The following VGLL4 variants were observed in gnomAD, a reference collection of about 807,000 sequenced individuals.
VGLL4 encodes vestigial like family member 4.
VGLL4 carries 7 observed loss-of-function variants against 21.0 expected under a neutral mutation model. That is an observed-to-expected ratio of 0.33 (90% confidence interval 0.19 to 0.63). VGLL4 has a LOEUF of 0.63. Ranked by LOEUF, VGLL4 falls within the 20% of genes least tolerant of loss-of-function variation. VGLL4 has a pLI of 0.78. For missense variants in VGLL4, 394 were observed against 425.7 expected, an observed-to-expected ratio of 0.93 and a Z score of 0.66; for synonymous variants, 222 against 173.2, an observed-to-expected ratio of 1.28 and a Z score of -2.21.
In VGLL4 at chr3:11,628,728, A is replaced by G. The variant is rs142863570; in HGVS notation, c.82+14709T>C. On this transcript the variant is annotated intron_variant, in intron 1 of 4. Coordinates refer to ENST00000430365, the MANE Select transcript of VGLL4 (RefSeq NM_001128219.3). ...CCAGCTATTCTGGAGGCTGAGGCAG[A>G]AGAATGGTGTGAACACGGGAGGCAG... Among the ~76,000 whole-genome samples the G allele has an allele frequency of 2.0e-4, 30 of 152,142 alleles. 1 individual carries two copies. The highest frequency in any genetic ancestry group is 6.2e-4 in the South Asian group (3 of 4,808).
chr3:11,558,466 A>G lies in VGLL4; in HGVS notation c.*90T>C. On this transcript the variant is annotated 3_prime_UTR_variant, in exon 5 of 5. Transcript: ENST00000430365. ...CCATCCCTTCCCTTCCCCCCACCCC[A>G]CCCCCATGATTTTTTTTTTTTTAAG... The G allele has an allele frequency of 1.7e-6, 1 of 581,226 alleles. No homozygotes were observed. The highest frequency in any genetic ancestry group is 2.5e-6 in the Non-Finnish European group (1 of 402,298). The allele number at this position is 581,226 out of a possible 1,614,324, so 36.0% of individuals were successfully genotyped here. A position where few individuals can be genotyped will look rare whatever the true frequency, so the allele number is the denominator to read the frequency against.
chr3:11,720,205 G>A (rs2076975430), intron 1 of VGLL4, among the ~76,000 whole-genome samples: 2 of 99,954 alleles, frequency 2.0e-5, no homozygotes, highest in African/African-American at 8.3e-5. Context: ...CACCCACGCC[G>A]CCCTCCGCTT....
At chr3:11,634,974 G>A (rs568273268) in intron 1 of VGLL4, among the ~76,000 whole-genome samples, 1 of 152,238 alleles carries the variant, frequency 6.6e-6, no homozygotes, top group South Asian at 2.1e-4. Flanking sequence ...CCCTGGCCAG[G>A]ACTCAGTATT....
intron 1 of VGLL4, among the ~76,000 whole-genome samples, chr3:11,639,005 A>C (rs2075638974): frequency 6.6e-6 from 1 of 152,212 alleles, no homozygotes; most frequent in Non-Finnish European, 1.5e-5. Context: ...ATTCGCTCTT[A>C]AGCTTTGAGA....
chr3:11,608,055 G>A (rs1308576907), intron 1 of VGLL4, among the ~76,000 whole-genome samples: 1 of 152,206 alleles, frequency 6.6e-6, no homozygotes, highest in Non-Finnish European at 1.5e-5. Context: ...TCTTGGGAGT[G>A]CAAGAGGCTT....
At chr3:11,641,113 A>G (rs1480077220) in intron 1 of VGLL4, among the ~76,000 whole-genome samples, 20 of 97,594 alleles carry the variant, frequency 2.0e-4, no homozygotes, top group African/African-American at 8.6e-4. Context: ...GCGAGACTTC[A>G]TCACCAAAAA....
At chr3:11,643,936 C>T (rs911093927), upstream of VGLL4, 1 of 994,230 alleles carries the variant, frequency 1.0e-6, no homozygotes. Flanking sequence ...ACTCCTATGC[C>T]GCCGCTTCCT....
Position 11,567,527 on chromosome 3 carries a change from C to T in VGLL4, c.273-2508G>A, listed in dbSNP as rs1049816550. ...TAGGTTCCATCCACGCCACACACAT[C>T]CTGGCGATTTTCAAAACGTTAAAAT... On this transcript the variant is annotated intron_variant, in intron 2 of 4. Transcript: ENST00000430365. 4.6e-5 allele frequency among the ~76,000 whole-genome samples: 7 copies of T among 152,204 alleles called. 1 individual carries two copies. The highest frequency in any genetic ancestry group is 2.1e-4 in the South Asian group (1 of 4,834).
intron 2 of VGLL4, among the ~76,000 whole-genome samples, chr3:11,584,326 T>C (rs536322241): frequency 1.3e-5 from 2 of 151,780 alleles, no homozygotes; most frequent in South Asian, 4.2e-4. Context: ...ATTCAAGTTC[T>C]CTAGTAGCAG....
At chr3:11,591,038 C>T (rs1293178156) in intron 2 of VGLL4, among the ~76,000 whole-genome samples, 2 of 152,112 alleles carry the variant, frequency 1.3e-5, no homozygotes, top group African/African-American at 2.4e-5. Flanking sequence ...CAGGCAATGT[C>T]GAGGTTAATC....
chr3:11,564,929 C>A lies in VGLL4; in HGVS notation c.363G>T (p.Leu121=). ...GGGAGGTGTACAGGTGGCTGCCGTG[C>A]AGGCTCATGGTGGGGGCCACAGCGC... ...IERAVAPTMS[L]HGSHLYTSLP... The change falls in exon 3 of 5, where the codon CTG becomes CTT. Residue 121 remains leucine, a synonymous_variant. Transcript: ENST00000430365. 1.3e-6 allele frequency: 2 copies of A among 1,591,646 alleles called. No homozygotes were observed. The highest frequency in any genetic ancestry group is 1.7e-6 in the Non-Finnish European group (2 of 1,169,150).
chr3:11,569,580 G>A (rs527556480), intron 2 of VGLL4, among the ~76,000 whole-genome samples: 13 of 152,358 alleles, frequency 8.5e-5, no homozygotes, highest in African/African-American at 2.6e-4. Flanking sequence ...AGGAGGGGCC[G>A]GCACAGGGCC....
upstream of VGLL4, among the ~76,000 whole-genome samples, chr3:11,647,954 T>A (rs936356318): frequency 1.3e-5 from 2 of 151,354 alleles, no homozygotes; most frequent in African/African-American, 4.9e-5. Context: ...CCATGTAGAT[T>A]CTGATTGTAC....
At chr3:11,597,958 A>C (rs1466739427) in intron 2 of VGLL4, among the ~76,000 whole-genome samples, 1 of 152,236 alleles carries the variant, frequency 6.6e-6, no homozygotes, top group Non-Finnish European at 1.5e-5. Flanking sequence ...TGAAGAAATC[A>C]CTAAGGAAAC....
chr3:11,668,192 T>C (rs1205137479), intron 2 of VGLL4, among the ~76,000 whole-genome samples: 1 of 151,982 alleles, frequency 6.6e-6, no homozygotes, highest in Non-Finnish European at 1.5e-5. Flanking sequence ...ACAACTCATT[T>C]CTTCAAGATA....
chr3:11,679,882 T>C (rs1341174687), intron 2 of VGLL4, among the ~76,000 whole-genome samples: 1 of 152,132 alleles, frequency 6.6e-6, no homozygotes, highest in Admixed American at 6.6e-5. Flanking sequence ...AAAAATAAAG[T>C]TAGTGTAGCC....
chr3:11,640,865 C>G (rs144362491), intron 1 of VGLL4, among the ~76,000 whole-genome samples: 3 of 152,186 alleles, frequency 2.0e-5, no homozygotes, highest in African/African-American at 4.8e-5. Context: ...TGCCTGTAAT[C>G]CCAGCACTTT....
intron 1 of VGLL4, among the ~76,000 whole-genome samples, chr3:11,630,509 G>A (rs1322825064): frequency 1.3e-5 from 2 of 152,136 alleles, no homozygotes. Flanking sequence ...AGATGGGCGT[G>A]GTGGCGGGCG....
intron 1 of VGLL4, among the ~76,000 whole-genome samples, chr3:11,602,652 T>A (rs763390013): frequency 6.6e-6 from 1 of 152,206 alleles, no homozygotes; most frequent in Non-Finnish European, 1.5e-5. Context: ...ATATAACTTA[T>A]CGCAAGCATA....
Sources: allele counts gnomAD v4.1 joint callset (sites outside exome capture counted in the v4.1 genomes callset), GRCh38; gene constraint gnomAD v4.1.1; transcripts MANE v1.5; gene names NCBI Gene and HGNC (gene_info 2026-07-23, HGNC 2026-07-21).